Variants in CTNNA2 observed in about 807,000 individuals in gnomAD.
CTNNA2 encodes catenin alpha-2.
A neutral mutation model predicts 101.0 loss-of-function variants in CTNNA2; 42 were observed. That is an observed-to-expected ratio of 0.42 (90% CI 0.32 to 0.54). The LOEUF (loss-of-function observed/expected upper bound fraction) is 0.54. CTNNA2 is among the 20% of genes least tolerant of loss of function. The pLI, the probability that CTNNA2 is intolerant of heterozygous loss-of-function variation, is 0.14. For synonymous variants in CTNNA2, 450 were observed against 456.4 expected, an observed-to-expected ratio of 0.99 and a Z score of 0.18; for missense variants, 871 against 1,223.1, an observed-to-expected ratio of 0.71 and a Z score of 4.29.
rs148118485 is a variant in CTNNA2, at chr2:79,252,850, G to A, written c.-406+54774G>A. Among the ~76,000 whole-genome samples, 26 of 151,880 alleles carry A rather than the reference G, an allele frequency of 1.7e-4. No individual in the cohort carries two copies. The East Asian group carries it at 4.9e-3, about 28-fold the overall frequency. ...TTTTAGTGGACTTTAATTTGGTTGAGAGCTGGCAGTGAAATCCACTTCACT... is the reference window on the plus strand; with the variant it reads ...TTTTAGTGGACTTTAATTTGGTTGAAAGCTGGCAGTGAAATCCACTTCACT... On this transcript the variant is annotated intron_variant, in intron 2 of 21. Coordinates refer to the CTNNA2 transcript ENST00000466387.
intron 7 of CTNNA2, among the ~76,000 whole-genome samples, chr2:80,196,805 A>G (rs935992559): frequency 1.3e-5 from 2 of 152,140 alleles, no homozygotes; most frequent in African/African-American, 4.8e-5. Flanking sequence ...ATCACTTTAA[A>G]AAGTAAATTG....
intron 7 of CTNNA2, among the ~76,000 whole-genome samples, chr2:80,354,965 T>C (rs1182066444): frequency 2.0e-5 from 3 of 152,148 alleles, no homozygotes; most frequent in African/African-American, 7.2e-5. Context: ...TAATACCTTG[T>C]ACAGGGAGTG....
exon 2 of CTNNA2, chr2:79,198,064 G>C (rs1299169484): frequency 6.6e-6 from 1 of 152,158 alleles, no homozygotes; most frequent in Non-Finnish European, 1.5e-5. Context: ...GAGCCACTGC[G>C]CCCAGCCATC....
rs548702084 is a variant in CTNNA2 at position 80,098,665 on chromosome 2, T to C, written c.1056+188868T>C. The stretch of plus-strand genomic sequence containing the variant: ...GTGGTGGGGTCCACCCAGTTCGAGC[T>C]TCCTAGCCGCTTTGTTTACCTACTC... On this transcript the variant is annotated intron_variant, in intron 7 of 18. Transcript: ENST00000402739. Among the ~76,000 whole-genome samples, 110 of 152,342 alleles carry C rather than the reference T, an allele frequency of 7.2e-4. 1 individual carries two copies. Among genetic ancestry groups the C allele is most frequent in the African/African-American group, 2.5e-3 (105 of 41,580 alleles).
chr2:79,516,978 A>G (rs1375863838), intron 1 of CTNNA2, among the ~76,000 whole-genome samples: 2 of 152,272 alleles, frequency 1.3e-5, no homozygotes, highest in African/African-American at 4.8e-5. Flanking sequence ...CTAATTACAA[A>G]AGCCCCTTTT....
chr2:80,624,644 C>T (rs894741089), intron 18 of CTNNA2, among the ~76,000 whole-genome samples: 4 of 151,630 alleles, frequency 2.6e-5, no homozygotes, highest in Non-Finnish European at 5.9e-5. Context: ...CCAGAATCTT[C>T]TGTATTTATT....
chr2:79,237,540 C>T (rs1674572291), intron 2 of CTNNA2, among the ~76,000 whole-genome samples: 1 of 152,176 alleles, frequency 6.6e-6, no homozygotes, highest in African/African-American at 2.4e-5. Context: ...TGAACATTGA[C>T]TTCTCTCTAG....
At chr2:80,520,378 G>A (rs568215592) in intron 9 of CTNNA2, among the ~76,000 whole-genome samples, 1 of 152,212 alleles carries the variant, frequency 6.6e-6, no homozygotes, top group African/African-American at 2.4e-5. Flanking sequence ...CGACCTGCCA[G>A]CGGGGAACAC....
chr2:79,280,678 A>T (rs1251213610), intron 2 of CTNNA2, among the ~76,000 whole-genome samples: 1 of 50,530 alleles, frequency 2.0e-5, no homozygotes, highest in African/African-American at 1.1e-4. Context: ...AGAGAGAGAG[A>T]GAGAGAAAGA....
chr2:79,927,049 G>GA (rs1378861740), intron 7 of CTNNA2, among the ~76,000 whole-genome samples: 4 of 152,120 alleles, frequency 2.6e-5, no homozygotes, highest in African/African-American at 9.7e-5. Flanking sequence ...GGCTAGGGAT[G>GA]ACATAAAGCA....
At chr2:79,495,059 C>T (rs553355253) in intron 4 of CTNNA2, among the ~76,000 whole-genome samples, 1 of 152,062 alleles carries the variant, frequency 6.6e-6, no homozygotes, top group Non-Finnish European at 1.5e-5. Context: ...GCCGAGATTG[C>T]GCCACTGCAC....
intron 2 of CTNNA2, among the ~76,000 whole-genome samples, chr2:79,261,856 T>G (rs1478325015): frequency 6.6e-6 from 1 of 152,216 alleles, no homozygotes. Flanking sequence ...GGGAAAGGTA[T>G]GAAAACTGTT....
chr2:80,315,616 C>T (rs1678043231), intron 7 of CTNNA2, among the ~76,000 whole-genome samples: 2 of 152,146 alleles, frequency 1.3e-5, no homozygotes, highest in African/African-American at 4.8e-5. Context: ...GGAGAAGTCC[C>T]AGTGCGCAAA....
At chr2:79,691,492 T>C (rs1469256157) in intron 2 of CTNNA2, among the ~76,000 whole-genome samples, 1 of 151,324 alleles carries the variant, frequency 6.6e-6, no homozygotes, top group Admixed American at 6.6e-5. Flanking sequence ...ACTTTCAGAC[T>C]ATATTGAAAA....
intron 7 of CTNNA2, among the ~76,000 whole-genome samples, chr2:80,073,332 G>A (rs1698465158): frequency 6.6e-6 from 1 of 152,172 alleles, no homozygotes; most frequent in Non-Finnish European, 1.5e-5. Flanking sequence ...CTGAGGGTAA[G>A]CGCAGAGGTC....
intron 4 of CTNNA2, among the ~76,000 whole-genome samples, chr2:79,411,880 A>G (rs1321716882): frequency 1.3e-5 from 2 of 152,158 alleles, no homozygotes; most frequent in Non-Finnish European, 2.9e-5. Context: ...GACAGAATCA[A>G]ATTCACACAT....
At chr2:79,985,254 C>T (rs1558701094) in intron 7 of CTNNA2, among the ~76,000 whole-genome samples, 1 of 152,330 alleles carries the variant, frequency 6.6e-6, no homozygotes, top group Admixed American at 6.5e-5. Context: ...TGCCTTTACA[C>T]TCACTGTTCA....
intron 1 of CTNNA2, among the ~76,000 whole-genome samples, chr2:79,624,739 C>T (rs2104311747): frequency 6.6e-6 from 1 of 152,218 alleles, no homozygotes; most frequent in South Asian, 2.1e-4. Flanking sequence ...TTTCTGTAAT[C>T]ATAAAGCTTA....
At chr2:79,899,994 GAGTA>G (rs1456905190) in intron 6 of CTNNA2, among the ~76,000 whole-genome samples, 1 of 152,310 alleles carries the variant, frequency 6.6e-6, no homozygotes, top group South Asian at 2.1e-4. Context: ...ACTACAGGGA[GAGTA>G]AGTGTTTAAA....
Sources: allele counts gnomAD v4.1 joint callset (sites outside exome capture counted in the v4.1 genomes callset), GRCh38; gene constraint gnomAD v4.1.1; transcripts MANE v1.5; gene names NCBI Gene and HGNC (gene_info 2026-07-23, HGNC 2026-07-21).